The following GRID2 variants were observed in gnomAD, a reference collection of about 807,000 sequenced individuals.
GRID2 encodes glutamate ionotropic receptor delta type subunit 2.
In GRID2, 33 loss-of-function variants were observed where a neutral mutation model predicts 114.8. The ratio of observed to expected loss-of-function variants is 0.29; its 90% CI spans 0.22 to 0.38. The LOEUF (loss-of-function observed/expected upper bound fraction) is 0.38, where lower values mean the gene tolerates loss of function less well. Ranked by LOEUF, GRID2 falls within the 10% of genes least tolerant of loss-of-function variation. GRID2 has a pLI of 1.00. For synonymous variants in GRID2, 505 were observed against 449.9 expected, an observed-to-expected ratio of 1.12 and a Z score of -1.55; for missense variants, 1,184 against 1,257.7, an observed-to-expected ratio of 0.94 and a Z score of 0.89.
At chr4:93,471,698 ATT>A (rs897411033) in intron 11 of GRID2, among the ~76,000 whole-genome samples, 14 of 60,980 alleles carry the variant, frequency 2.3e-4, no homozygotes, top group East Asian at 2.8e-4. Flanking sequence ...CCTGAATTCA[ATT>A]TTTTTTTTTT....
rs572590398 is a variant in GRID2, at chr4:92,525,522, G to A, written c.89-64609G>A. On this transcript the variant is annotated intron_variant, in intron 1 of 15. Transcript: ENST00000282020. ...AGTCAAATATGGAGGTACTCACAGT[G>A]GAGGTACAGATGGCATGAGAAAAAA... 2.6e-5 allele frequency among the ~76,000 whole-genome samples: 4 copies of A among 152,182 alleles called. No homozygotes were observed. In the South Asian group the frequency reaches 8.3e-4, roughly 32 times the overall value.
At position 92,878,465 on chromosome 4, in the gene GRID2, C is replaced by T. The variant is rs1037271951; in HGVS notation, c.245-206530C>T. On this transcript the variant is annotated intron_variant, in intron 2 of 15. Coordinates refer to ENST00000282020, the MANE Select transcript of GRID2 (RefSeq NM_001510.4). ...TGGTGTCTGTTATTTGTTGATAAGT[C>T]TGGCTAGAGGATGGGGAGAAAAGAG... is the stretch of plus-strand genomic sequence containing the variant. 3.3e-5 allele frequency among the ~76,000 whole-genome samples: 5 copies of T among 152,010 alleles called. No homozygotes were observed. The East Asian group carries it at 9.6e-4, about 29-fold the overall frequency.
At chr4:92,633,461 T>C (rs1730912447) in intron 2 of GRID2, among the ~76,000 whole-genome samples, 1 of 152,204 alleles carries the variant, frequency 6.6e-6, no homozygotes, top group Admixed American at 6.6e-5. Flanking sequence ...GATTTTCATT[T>C]TGTTAGATAG....
chr4:92,483,072 G>T (rs760922313), intron 1 of GRID2, among the ~76,000 whole-genome samples: 1 of 152,132 alleles, frequency 6.6e-6, no homozygotes, highest in East Asian at 1.9e-4. Context: ...GGGCGCAGTG[G>T]CTCACGCTTG....
chr4:93,577,657 A>G (rs1485530901), intron 13 of GRID2, among the ~76,000 whole-genome samples: 1 of 152,224 alleles, frequency 6.6e-6, no homozygotes, highest in Non-Finnish European at 1.5e-5. Flanking sequence ...TGGTAGGGAT[A>G]AAACTAGTCC....
At chr4:92,988,579 T>C (rs548346731) in intron 2 of GRID2, among the ~76,000 whole-genome samples, 6 of 152,196 alleles carry the variant, frequency 3.9e-5, no homozygotes, top group Non-Finnish European at 5.9e-5. Context: ...TCAGAGATCA[T>C]TGGGGACAAT....
chr4:92,691,892 T>A (rs1734200732), intron 2 of GRID2, among the ~76,000 whole-genome samples: 1 of 152,196 alleles, frequency 6.6e-6, no homozygotes, highest in Non-Finnish European at 1.5e-5. Flanking sequence ...ATAGTATTTG[T>A]TCCTCAACAA....
intron 2 of GRID2, among the ~76,000 whole-genome samples, chr4:92,771,238 C>G (rs953373939): frequency 1.3e-5 from 2 of 152,176 alleles, no homozygotes; most frequent in Non-Finnish European, 2.9e-5. Flanking sequence ...GTTAGTATCA[C>G]AAGAAATGCC....
chr4:92,981,071 A>G (rs969609472), intron 2 of GRID2, among the ~76,000 whole-genome samples: 2 of 152,054 alleles, frequency 1.3e-5, no homozygotes, highest in African/African-American at 2.4e-5. Context: ...TCTCATTTCA[A>G]TGTTGATAAT....
In GRID2 at chr4:93,113,247, CAT is replaced by C. The variant is rs528678679; in HGVS notation, c.735+2298_735+2299del. Among the ~76,000 whole-genome samples, 6 of 152,246 alleles carry C rather than the reference CAT, an allele frequency of 3.9e-5. No individual in the cohort carries two copies. The East Asian group carries it at 1.2e-3, about 29-fold the overall frequency. Reference sequence around the variant, plus strand: ...CTAACACCTTTTTAAAAAATGAACTCATATAATCTTCATAAAAAGCCTTTGAG... The same window carrying C: ...CTAACACCTTTTTAAAAAATGAACTCATAATCTTCATAAAAAGCCTTTGAG... On this transcript the variant is annotated intron_variant, in intron 4 of 15. Coordinates refer to ENST00000282020, the MANE Select transcript of GRID2 (RefSeq NM_001510.4).
chr4:92,705,581 C>T lies in GRID2; in HGVS notation c.244+115295C>T, dbSNP rs553955881. Among the ~76,000 whole-genome samples the T allele has an allele frequency of 8.5e-5, 13 of 152,210 alleles. No homozygotes were observed. The East Asian group carries it at 1.7e-3, about 20-fold the overall frequency. ...TGAATGTTAGAAATAAAAAGAAAACCGGACTGGACTAGGAAAAGTCAATGC... is the reference window on the plus strand; with the variant it reads ...TGAATGTTAGAAATAAAAAGAAAACTGGACTGGACTAGGAAAAGTCAATGC... On this transcript the variant is annotated intron_variant, in intron 2 of 15. Coordinates refer to ENST00000282020, the MANE Select transcript of GRID2 (RefSeq NM_001510.4).
chr4:92,777,300 TCC>T (rs1738855780), intron 2 of GRID2, among the ~76,000 whole-genome samples: 2 of 152,094 alleles, frequency 1.3e-5, no homozygotes, highest in African/African-American at 4.8e-5. Flanking sequence ...GTAATTTTTC[TCC>T]CCTTTTATGA....
At chr4:93,760,311 C>T (rs1733098599) in intron 14 of GRID2, among the ~76,000 whole-genome samples, 1 of 151,970 alleles carries the variant, frequency 6.6e-6, no homozygotes, top group Non-Finnish European at 1.5e-5. Flanking sequence ...GTTTCTTTTT[C>T]CCCATACACA....
intron 2 of GRID2, among the ~76,000 whole-genome samples, chr4:92,950,101 T>A (rs956764197): frequency 2.6e-5 from 4 of 152,176 alleles, no homozygotes; most frequent in African/African-American, 9.6e-5. Flanking sequence ...CTGTTTTGCT[T>A]CTCTGGCCAG....
intron 8 of GRID2, among the ~76,000 whole-genome samples, chr4:93,339,816 C>T (rs533850829): frequency 6.6e-6 from 1 of 152,066 alleles, no homozygotes; most frequent in African/African-American, 2.4e-5. Flanking sequence ...TGGTGGAAGG[C>T]GAAGGGGAAG....
At chr4:92,909,088 T>C (rs1051331723) in intron 2 of GRID2, among the ~76,000 whole-genome samples, 1 of 152,168 alleles carries the variant, frequency 6.6e-6, no homozygotes, top group Admixed American at 6.5e-5. Flanking sequence ...TTTTTCAAAA[T>C]AGAGCTTGGT....
chr4:92,713,983 C>T (rs1735407911), intron 2 of GRID2, among the ~76,000 whole-genome samples: 2 of 152,054 alleles, frequency 1.3e-5, no homozygotes. Context: ...CAACAGTCCC[C>T]CAAAGTCTTA....
At chr4:92,443,720 G>T (rs1733267127) in intron 1 of GRID2, among the ~76,000 whole-genome samples, 2 of 152,052 alleles carry the variant, frequency 1.3e-5, no homozygotes, top group Admixed American at 6.6e-5. Flanking sequence ...GAGAGAAGGG[G>T]TTGGGGTACT....
chr4:92,508,356 A>G (rs571160890), intron 1 of GRID2, among the ~76,000 whole-genome samples: 2 of 152,098 alleles, frequency 1.3e-5, no homozygotes, highest in African/African-American at 4.8e-5. Flanking sequence ...ACTTGATAGG[A>G]CATATTCTAT....
Sources: allele counts gnomAD v4.1 joint callset (sites outside exome capture counted in the v4.1 genomes callset), GRCh38; gene constraint gnomAD v4.1.1; transcripts MANE v1.5; gene names NCBI Gene and HGNC (gene_info 2026-07-23, HGNC 2026-07-21).